Variants in DAB1 observed in about 807,000 individuals in gnomAD.
The protein encoded by DAB1 is DAB adaptor protein 1.
In DAB1, 15 loss-of-function variants were observed where a neutral mutation model predicts 64.6. That is an observed-to-expected ratio of 0.23 (90% CI 0.16 to 0.36). The LOEUF (loss-of-function observed/expected upper bound fraction) is 0.36. Among genes scored for constraint, DAB1 ranks in the 10% least tolerant of loss-of-function variants. DAB1 has a pLI of 1.00. For synonymous variants in DAB1, 235 were observed against 251.9 expected, an observed-to-expected ratio of 0.93 and a Z score of 0.64; for missense variants, 596 against 706.7, an observed-to-expected ratio of 0.84 and a Z score of 1.78.
At chr1:57,121,077 A>G (rs1334750414) in intron 4 of DAB1, among the ~76,000 whole-genome samples, 1 of 151,482 alleles carries the variant, frequency 6.6e-6, no homozygotes, top group East Asian at 1.9e-4. Context: ...GGGAGACAGG[A>G]GAAGAATGTC....
intron 2 of DAB1, among the ~76,000 whole-genome samples, chr1:57,191,902 G>C (rs568290147): frequency 6.6e-6 from 1 of 152,238 alleles, no homozygotes; most frequent in East Asian, 1.9e-4. Context: ...AGAAAGATAA[G>C]AATAGGATGG....
At chr1:57,225,018 C>G (rs1033387525) in intron 2 of DAB1, among the ~76,000 whole-genome samples, 1 of 152,230 alleles carries the variant, frequency 6.6e-6, no homozygotes. Flanking sequence ...GGATGGTTAA[C>G]ATATCAAGGA....
At chr1:57,098,291 C>T (rs1341800790) in intron 4 of DAB1, among the ~76,000 whole-genome samples, 3 of 152,074 alleles carry the variant, frequency 2.0e-5, no homozygotes. Context: ...TATATAGTAT[C>T]TAATCTTCAG....
intron 2 of DAB1, among the ~76,000 whole-genome samples, chr1:57,253,113 G>A (rs1669477589): frequency 6.6e-6 from 1 of 152,228 alleles, no homozygotes; most frequent in South Asian, 2.1e-4. Context: ...GCTGGGAGGA[G>A]TGGAGCTCTT....
chr1:57,188,120 G>T (rs1663772700), intron 2 of DAB1, among the ~76,000 whole-genome samples: 1 of 152,146 alleles, frequency 6.6e-6, no homozygotes, highest in African/African-American at 2.4e-5. Context: ...TAAAGTCTAG[G>T]ACAAGGGCCC....
At chr1:57,658,347 A>G (rs1330462269) in intron 6 of DAB1, among the ~76,000 whole-genome samples, 2 of 133,984 alleles carry the variant, frequency 1.5e-5, no homozygotes, top group Non-Finnish European at 3.1e-5. Flanking sequence ...ACTGTCGCCC[A>G]GGCTGGAGTG....
At chr1:57,203,649 G>C (rs1354356196) in intron 2 of DAB1, among the ~76,000 whole-genome samples, 2 of 152,182 alleles carry the variant, frequency 1.3e-5, no homozygotes, top group African/African-American at 4.8e-5. Context: ...TGGAGAACAG[G>C]TTCATGAGTG....
intron 7 of DAB1, among the ~76,000 whole-genome samples, chr1:57,469,567 A>G (rs184130764): frequency 2.0e-5 from 3 of 152,302 alleles, no homozygotes; most frequent in Admixed American, 6.5e-5. Flanking sequence ...TCATTGAGGT[A>G]GTAATGCTCC....
At chr1:58,422,272 C>T (rs1440772088) in intron 3 of DAB1, among the ~76,000 whole-genome samples, 3 of 151,752 alleles carry the variant, frequency 2.0e-5, no homozygotes, top group Admixed American at 2.0e-4. Context: ...GCTTGGAGTA[C>T]TTGGCACATA....
In DAB1 at chr1:57,948,723, T is replaced by C. The variant is rs568436426; in HGVS notation, n.388-64561A>G. On this transcript the variant is annotated intron_variant and non_coding_transcript_variant, in intron 5 of 20. Coordinates refer to the DAB1 transcript ENST00000485760. ...TCTTGAGCTACTGGGGAAGGATATG[T>C]TCTCTCTTGTACTTGACTGGGTATT... Among the ~76,000 whole-genome samples, 12 of 152,268 alleles carry C rather than the reference T, an allele frequency of 7.9e-5. No individual in the cohort carries two copies. The South Asian group carries it at 2.5e-3, about 32-fold the overall frequency.
At chr1:57,433,288 G>A (rs992768466) in intron 7 of DAB1, among the ~76,000 whole-genome samples, 5 of 152,044 alleles carry the variant, frequency 3.3e-5, no homozygotes, top group African/African-American at 9.7e-5. Flanking sequence ...AAGTTAGAAG[G>A]TTTATCCTAC....
chr1:57,581,498 C>A (rs1645311283), intron 7 of DAB1, among the ~76,000 whole-genome samples: 1 of 152,088 alleles, frequency 6.6e-6, no homozygotes, highest in Middle Eastern at 3.4e-3. Flanking sequence ...TGACTACTTG[C>A]GAGCTGAGTG....
intron 4 of DAB1, among the ~76,000 whole-genome samples, chr1:58,275,848 T>C (rs1321218324): frequency 1.3e-5 from 2 of 152,224 alleles, no homozygotes; most frequent in African/African-American, 4.8e-5. Flanking sequence ...ATTGAAAGCA[T>C]AGTCTCAAAG....
At chr1:57,345,631 G>GA (rs1678016428) in intron 1 of DAB1, among the ~76,000 whole-genome samples, 1 of 151,834 alleles carries the variant, frequency 6.6e-6, no homozygotes, top group Non-Finnish European at 1.5e-5. Context: ...ACTACCAAAG[G>GA]AAAAAAAGAT....
At chr1:57,997,345 T>C (rs1646440768) in intron 5 of DAB1, among the ~76,000 whole-genome samples, 1 of 152,190 alleles carries the variant, frequency 6.6e-6, no homozygotes, top group African/African-American at 2.4e-5. Context: ...AAAGCCCACA[T>C]ATAAAACCCC....
chr1:57,073,862 A>C (rs1651737637), intron 4 of DAB1, among the ~76,000 whole-genome samples: 1 of 152,206 alleles, frequency 6.6e-6, no homozygotes, highest in African/African-American at 2.4e-5. Context: ...ATGCAAATGA[A>C]AATGCCAAGT....
At chr1:57,208,823 T>C (rs1272522833) in intron 2 of DAB1, among the ~76,000 whole-genome samples, 5 of 152,166 alleles carry the variant, frequency 3.3e-5, no homozygotes, top group Non-Finnish European at 7.3e-5. Context: ...ATGGCAAGAC[T>C]GAGATTCAAA....
At chr1:58,546,723 T>C (rs537613732) in exon 1 of DAB1, 9 of 151,924 alleles carry the variant, frequency 5.9e-5, no homozygotes, top group Admixed American at 4.6e-4. Context: ...GCGAAAGCGG[T>C]GACACCGCAG....
intron 2 of DAB1, among the ~76,000 whole-genome samples, chr1:57,242,315 C>T (rs533647508): frequency 6.6e-6 from 1 of 152,282 alleles, no homozygotes; most frequent in East Asian, 1.9e-4. Flanking sequence ...TGCTTTTCTT[C>T]TGCCTTTCAT....
Sources: gnomAD v4.1 joint callset for allele counts (sites outside exome capture counted in the v4.1 genomes callset) on GRCh38, gnomAD v4.1.1 for gene constraint, MANE v1.5 for transcripts, NCBI Gene and HGNC (gene_info 2026-07-23, HGNC 2026-07-21) for gene names.